Variants in FAT2 observed in about 807,000 individuals in gnomAD.
The protein encoded by FAT2 is protocadherin Fat 2.
A neutral mutation model predicts 295.3 loss-of-function variants in FAT2; 150 were observed. The observed-to-expected ratio is 0.51, with a 90% CI of 0.44 to 0.58. FAT2 has a LOEUF of 0.58. Among genes scored for constraint, FAT2 ranks in the 20% least tolerant of loss-of-function variants. The pLI is 0.00. For missense variants in FAT2, 4,868 were observed against 5,442.7 expected (o/e 0.89, Z 3.32); for synonymous variants, 2,026 against 2,150.3 (o/e 0.94, Z 1.60).
intron 18 of FAT2, among the ~76,000 whole-genome samples, chr5:151,524,368 A>G (rs1382389500): frequency 6.6e-6 from 1 of 152,198 alleles, no homozygotes; most frequent in East Asian, 1.9e-4. Context: ...GTTAAAATCT[A>G]ATCCCCAGTG....
At chr5:151,538,065 A>G (rs1298659668) in intron 11 of FAT2, 119 bp from the exon 12 acceptor site, 2 of 743,502 alleles carry the variant, frequency 2.7e-6, no homozygotes, top group Non-Finnish European at 4.2e-6. Context: ...GAGGGCAGAG[A>G]CGAAGAGAGA....
At chr5:151,519,787 T>C (rs1753249492) in intron 19 of FAT2, among the ~76,000 whole-genome samples, 1 of 152,186 alleles carries the variant, frequency 6.6e-6, no homozygotes, top group Admixed American at 6.5e-5. Context: ...TTCAACTGAT[T>C]CTGGTGATCC....
At chr5:151,540,893 G>C in intron 10 of FAT2, 130 bp from the exon 11 acceptor site, 5 of 766,392 alleles carry the variant, frequency 6.5e-6, no homozygotes, top group Admixed American at 6.1e-5. Context: ...TCCTTAACTA[G>C]GAACCCACGA....
At chr5:151,574,914 T>G (rs1325905739) in intron 1 of FAT2, among the ~76,000 whole-genome samples, 1 of 152,226 alleles carries the variant, frequency 6.6e-6, no homozygotes, top group East Asian at 1.9e-4. Flanking sequence ...ACACAATCTC[T>G]CCTGGGCCTC....
intron 23 of FAT2, 76 bp from the exon 24 acceptor site, chr5:151,506,173 A>G: frequency 2.1e-6 from 3 of 1,442,710 alleles, no homozygotes; most frequent in South Asian, 1.5e-5. Flanking sequence ...GCAACTATAT[A>G]TAACCTAGCG....
upstream of FAT2, among the ~76,000 whole-genome samples, chr5:151,592,544 G>A (rs1054259326): frequency 2.7e-4 from 41 of 152,114 alleles, no homozygotes; most frequent in African/African-American, 9.7e-4. Context: ...ATCAGTTTGA[G>A]CTCTTAGCAA....
In FAT2 at chr5:151,504,424, C is replaced by T. The variant is rs948086754; in HGVS notation, c.*1141G>A. 3 of 152,674 alleles carry T rather than the reference C, an allele frequency of 2.0e-5. No homozygotes were observed. The highest frequency in any genetic ancestry group is 2.1e-4 in the South Asian group (1 of 4,836). The allele number at this position is 152,674 out of a possible 1,614,324, so 9.5% of individuals were successfully genotyped here. A position where few individuals can be genotyped will look rare whatever the true frequency, so the allele number is the denominator to read the frequency against. On this transcript the variant is annotated 3_prime_UTR_variant, in exon 24 of 24. Coordinates refer to ENST00000261800, the MANE Select transcript of FAT2 (RefSeq NM_001447.3). ...CATACACTCTACACATGTGTACACA[C>T]GTACTATCCATGGGCACCCACATGT...
Position 151,566,309 on chromosome 5 carries a change from G to A in FAT2, c.2623C>T (p.Leu875=), listed in dbSNP as rs1484023080. ...CGGTCCAGGTGTCCTGTAACAACCA[G>A]TTCCCCAGTGAGAGGGTGGAGGGAG... ...KFSLHPLTGE[L]VVTGHLDRES... Residue 875 remains leucine (L), a synonymous_variant, in exon 2 of 24, where the codon CTG becomes TTG. Transcript: ENST00000261800. 2 of 1,613,994 alleles carry A rather than the reference G, an allele frequency of 1.2e-6. No individual in the cohort carries two copies. Among genetic ancestry groups the A allele is most frequent in the Non-Finnish European group, 1.7e-6 (2 of 1,180,022 alleles).
intron 1 of FAT2, among the ~76,000 whole-genome samples, chr5:151,585,977 G>A (rs1477431046): frequency 6.6e-6 from 1 of 152,182 alleles, no homozygotes; most frequent in Admixed American, 6.5e-5. Flanking sequence ...GATGGAAAGT[G>A]TTAAGGCCAG....
intron 12 of FAT2, among the ~76,000 whole-genome samples, chr5:151,535,685 A>T (rs1260809728): frequency 1.3e-5 from 2 of 152,176 alleles, no homozygotes; most frequent in Non-Finnish European, 1.5e-5. Context: ...CCCCAACTTG[A>T]AGCTGGTTGG....
intron 1 of FAT2, among the ~76,000 whole-genome samples, chr5:151,574,056 T>A (rs1758647597): frequency 6.6e-6 from 1 of 152,110 alleles, no homozygotes; most frequent in African/African-American, 2.4e-5. Flanking sequence ...GCCTATGGTC[T>A]CTATCAGACC....
At chr5:151,509,102 C>T (rs188435482) in intron 22 of FAT2, among the ~76,000 whole-genome samples, 1 of 152,290 alleles carries the variant, frequency 6.6e-6, no homozygotes, top group East Asian at 1.9e-4. Flanking sequence ...AGACAGCTGG[C>T]AGTGGGGTTC....
intron 12 of FAT2, among the ~76,000 whole-genome samples, chr5:151,535,677 C>T (rs1755197473): frequency 6.6e-6 from 1 of 152,116 alleles, no homozygotes; most frequent in African/African-American, 2.4e-5. Context: ...CGTGGGAGCC[C>T]CAACTTGAAG....
chr5:151,522,085 G>A lies in FAT2; in HGVS notation c.10508C>T (p.Ala3503Val), dbSNP rs1161562868. ...GAGGGGAGGGATGCCACTGTCTGACGCCTGTGGGCAAAACAAACACTGCTG... is the reference window on the plus strand; with the variant it reads ...GAGGGGAGGGATGCCACTGTCTGACACCTGTGGGCAAAACAAACACTGCTG... The part of the protein sequence containing the change: ...AQEWYQLQIQ[A>V]SDSGIPPLSS... The change falls in exon 19 of 24, where the codon GCG becomes GTG. Residue 3503 changes from alanine to valine, a missense_variant and splice_region_variant. Ala to Val is a moderately conservative substitution (Grantham distance 64, BLOSUM62 0). Coordinates refer to ENST00000261800, the MANE Select transcript of FAT2 (RefSeq NM_001447.3). The A allele has an allele frequency of 1.2e-5, 19 of 1,578,706 alleles. No individual in the cohort carries two copies. In the Middle Eastern group the frequency reaches 6.0e-4, roughly 50 times the overall value.
chr5:151,510,262 C>T, intron 21 of FAT2, 88 bp from the exon 22 acceptor site: 4 of 1,420,004 alleles, frequency 2.8e-6, no homozygotes, highest in East Asian at 2.3e-5. Context: ...GTTTGTGCAG[C>T]CGTTCAGTTA....
chr5:151,527,211 G>A (rs1457837873), intron 17 of FAT2, 23 bp downstream of exon 17: 1 of 1,583,734 alleles, frequency 6.3e-7, no homozygotes, highest in Admixed American at 1.7e-5. Context: ...AGGGCTCAGG[G>A]TGCCTTGGAG....
At chr5:151,554,948 A>G (rs375921662) in intron 4 of FAT2, among the ~76,000 whole-genome samples, 5 of 152,338 alleles carry the variant, frequency 3.3e-5, no homozygotes, top group Admixed American at 6.5e-5. Flanking sequence ...CCCCTGGGCC[A>G]TTTCTCAGAG....
At position 151,507,364 on chromosome 5, in the gene FAT2, G is replaced by A; in HGVS notation, c.12307C>T (p.Leu4103Phe). 6.2e-7 allele frequency: 1 copy of A among 1,614,214 alleles called. No individual in the cohort carries two copies. The change falls in exon 23 of 24, where the codon CTC becomes TTC. Residue 4103 changes from leucine (L) to phenylalanine (F), a missense_variant. Leu to Phe is a conservative substitution (Grantham distance 22). Transcript: ENST00000261800. The part of the protein sequence containing the change: ...VDTQAMPAIE[L>F]NPLSASSCNN... ...CAGGAGCTGGCACTCAATGGGTTGA[G>A]CTCGATGGCAGGCATGGCTTGGGTG...
Position 151,543,014 on chromosome 5 carries a change from G to T in FAT2, c.8113C>A (p.Pro2705Thr), listed in dbSNP as rs986950274. Reference sequence around the variant, plus strand: ...ACAATCCCAATTTCAGACCCCTCTGGAAGGTCTTCAGGTGCAGAGAAAGTA... The same window carrying T: ...ACAATCCCAATTTCAGACCCCTCTGTAAGGTCTTCAGGTGCAGAGAAAGTA... The part of the protein sequence containing the change: ...LYTFSAPEDL[P>T]EGSEIGIVKA... Residue 2705 changes from proline to threonine, a missense_variant, in exon 10 of 24, where the codon CCA becomes ACA. Physicochemically the swap from Pro to Thr is conservative, Grantham distance 38. Coordinates refer to ENST00000261800, the MANE Select transcript of FAT2 (RefSeq NM_001447.3). 2 of 1,614,068 alleles carry T rather than the reference G, an allele frequency of 1.2e-6. No individual in the cohort carries two copies. Among genetic ancestry groups the T allele is most frequent in the African/African-American group, 2.7e-5 (2 of 74,922 alleles).
Sources: gnomAD v4.1 joint callset for allele counts (sites outside exome capture counted in the v4.1 genomes callset) on GRCh38, gnomAD v4.1.1 for gene constraint, MANE v1.5 for transcripts, NCBI Gene and HGNC (gene_info 2026-07-23, HGNC 2026-07-21) for gene names.